Variants in ANKFN1 observed in about 807,000 individuals in gnomAD.
The protein encoded by ANKFN1 is ankyrin repeat and fibronectin type-III domain-containing protein 1.
ANKFN1 carries 74 observed loss-of-function variants against 108.7 expected under a neutral mutation model. That is an observed-to-expected ratio of 0.68 (90% CI 0.56 to 0.83). The LOEUF is 0.83. ANKFN1 is among the 40% of genes least tolerant of loss of function. The pLI is 0.00. For missense variants in ANKFN1, 1,505 were observed against 1,382.3 expected (o/e 1.09, Z -1.41); for synonymous variants, 547 against 516.2 (o/e 1.06, Z -0.81).
chr17:56,457,467 G>A, intron 13 of ANKFN1, 78 bp downstream of exon 13: 2 of 1,420,710 alleles, frequency 1.4e-6, no homozygotes, highest in Non-Finnish European at 1.9e-6. Context: ...CATTAGTTGA[G>A]GGGTCTCCAG....
At chr17:56,329,211 G>C (rs1180272321) in intron 4 of ANKFN1, among the ~76,000 whole-genome samples, 2 of 152,088 alleles carry the variant, frequency 1.3e-5, no homozygotes, top group African/African-American at 4.8e-5. Flanking sequence ...ACCTCTTCAG[G>C]CTTCTTTCCA....
chr17:56,176,051 C>T (rs902900938), intron 1 of ANKFN1, among the ~76,000 whole-genome samples: 2 of 151,676 alleles, frequency 1.3e-5, no homozygotes, highest in African/African-American at 4.8e-5. Flanking sequence ...CAGAGTGTGA[C>T]ATGAAGGGGG....
intron 9 of ANKFN1, among the ~76,000 whole-genome samples, chr17:56,441,900 G>GTGCTTTTTTTTT (rs1486198333): frequency 6.6e-6 from 1 of 151,422 alleles, no homozygotes; most frequent in Non-Finnish European, 1.5e-5. Context: ...CTACAAAGAT[G>GTGCTTTTTTTTT]TGCTTTTTTT....
At chr17:56,342,293 A>G (rs866245974) in intron 4 of ANKFN1, among the ~76,000 whole-genome samples, 2 of 140,726 alleles carry the variant, frequency 1.4e-5, no homozygotes, top group African/African-American at 2.7e-5. Context: ...TCATGTCTCT[A>G]CCTCCTTAAG....
chr17:56,372,721 C>A lies in ANKFN1; in HGVS notation c.677C>A (p.Ser226Tyr), dbSNP rs866337251. The A allele has an allele frequency of 6.2e-7, 1 of 1,614,028 alleles. No homozygotes were observed. The highest frequency in any genetic ancestry group is 8.5e-7 in the Non-Finnish European group (1 of 1,179,966). ...GCCCAGGAGAGGGTGAGTGAACTGT[C>A]TGCCCAGGTGGAGAATGAAGGATTC... ...QEAQERVSELSAQVENEGFTL... is the reference protein window; with the variant it reads ...QEAQERVSELYAQVENEGFTL... Residue 226 changes from serine (S) to tyrosine (Y), a missense_variant, in exon 7 of 21, where the codon TCT (serine) becomes TAT (tyrosine). Transcript: ENST00000682825.
At chr17:56,178,462 C>T (rs758625311) in intron 1 of ANKFN1, among the ~76,000 whole-genome samples, 3 of 152,234 alleles carry the variant, frequency 2.0e-5, no homozygotes, top group South Asian at 2.1e-4. Flanking sequence ...GATTCAGACT[C>T]GAGGCTGCAT....
intron 4 of ANKFN1, among the ~76,000 whole-genome samples, chr17:56,097,626 G>A (rs1905558904): frequency 6.6e-6 from 1 of 152,202 alleles, no homozygotes; most frequent in Non-Finnish European, 1.5e-5. Flanking sequence ...GAGTCCTTAG[G>A]TGAAACACAG....
intron 1 of ANKFN1, among the ~76,000 whole-genome samples, chr17:56,169,421 C>T (rs562789064): frequency 6.6e-5 from 10 of 152,206 alleles, no homozygotes; most frequent in Admixed American, 2.0e-4. Context: ...ACAGGAACAC[C>T]GCCACATCCA....
At chr17:56,220,494 T>TA (rs1053580279) in intron 2 of ANKFN1, among the ~76,000 whole-genome samples, 18 of 151,488 alleles carry the variant, frequency 1.2e-4, no homozygotes, top group African/African-American at 2.2e-4. Context: ...CCATCTTTAT[T>TA]AAAAAAAATA....
intron 8 of ANKFN1, among the ~76,000 whole-genome samples, chr17:56,417,831 G>A (rs903861778): frequency 1.3e-5 from 2 of 152,190 alleles, no homozygotes; most frequent in African/African-American, 4.8e-5. Context: ...ATAACTGGGA[G>A]CCTACTAGAA....
At chr17:56,440,499 T>A in intron 9 of ANKFN1, 75 bp downstream of exon 9, 1 of 1,202,172 alleles carries the variant, frequency 8.3e-7, no homozygotes, top group South Asian at 1.3e-5. Context: ...AAATGTCTAT[T>A]CTGAAAGCAA....
At chr17:56,343,546 T>A (rs897836819) in intron 4 of ANKFN1, among the ~76,000 whole-genome samples, 2 of 151,966 alleles carry the variant, frequency 1.3e-5, no homozygotes, top group Non-Finnish European at 2.9e-5. Context: ...TGGCTTCTAA[T>A]GGTTTGATTT....
chr17:56,498,213 T>C (rs1208611287), intron 19 of ANKFN1, among the ~76,000 whole-genome samples: 1 of 152,158 alleles, frequency 6.6e-6, no homozygotes, highest in Non-Finnish European at 1.5e-5. Flanking sequence ...TTACTCTATA[T>C]GTAAGAAAGT....
intron 4 of ANKFN1, among the ~76,000 whole-genome samples, chr17:56,127,815 T>C (rs1907025436): frequency 6.6e-6 from 1 of 152,228 alleles, no homozygotes; most frequent in Non-Finnish European, 1.5e-5. Flanking sequence ...TCAGCAAAGC[T>C]TGTTTGTGGA....
chr17:56,313,795 C>T (rs1041580013), intron 3 of ANKFN1, among the ~76,000 whole-genome samples: 1 of 152,154 alleles, frequency 6.6e-6, no homozygotes, highest in African/African-American at 2.4e-5. Flanking sequence ...GCATAAAATA[C>T]CATGAATAGA....
intron 6 of ANKFN1, among the ~76,000 whole-genome samples, chr17:56,360,600 T>G (rs572189244): frequency 6.6e-6 from 1 of 152,350 alleles, no homozygotes; most frequent in South Asian, 2.1e-4. Flanking sequence ...CAACTGAATT[T>G]AATTGAATCA....
chr17:56,396,181 G>A (rs1353996488), intron 8 of ANKFN1, among the ~76,000 whole-genome samples: 1 of 152,186 alleles, frequency 6.6e-6, no homozygotes, highest in Non-Finnish European at 1.5e-5. Flanking sequence ...AGGCACGGTG[G>A]CTCACACCTG....
intron 3 of ANKFN1, among the ~76,000 whole-genome samples, chr17:56,299,015 A>T (rs62073044): frequency 0.13 from 19,295 of 152,218 alleles, 1,477 homozygotes; most frequent in African/African-American, 0.22. Context: ...CCAGCCAACA[A>T]GGCAAGAGGC....
At chr17:56,057,540 C>T (rs1904900590) in intron 4 of ANKFN1, among the ~76,000 whole-genome samples, 1 of 152,170 alleles carries the variant, frequency 6.6e-6, no homozygotes, top group Non-Finnish European at 1.5e-5. Context: ...AATCCCAGCA[C>T]TTTGAGAGGC....
Sources: gnomAD v4.1 joint callset for allele counts (sites outside exome capture counted in the v4.1 genomes callset) on GRCh38, gnomAD v4.1.1 for gene constraint, MANE v1.5 for transcripts, NCBI Gene and HGNC (gene_info 2026-07-23, HGNC 2026-07-21) for gene names.